The following MRC2 variants were observed in gnomAD, a reference collection of about 807,000 sequenced individuals.
MRC2 encodes C-type mannose receptor 2.
Under a neutral mutation model 206.2 loss-of-function variants are expected in MRC2, and 84 were observed. The observed-to-expected ratio is 0.41, with a 90% CI of 0.34 to 0.49. The LOEUF (loss-of-function observed/expected upper bound fraction) is 0.49. MRC2 is among the 20% of genes least tolerant of loss of function. The pLI, the probability that MRC2 is intolerant of heterozygous loss-of-function variation, is 0.31. For synonymous variants in MRC2, 798 were observed against 800.0 expected, an observed-to-expected ratio of 1.00 and a Z score of 0.04; for missense variants, 1,676 against 2,001.5, an observed-to-expected ratio of 0.84 and a Z score of 3.10.
At chr17:62,677,914 G>A (rs2088914631) in intron 12 of MRC2, among the ~76,000 whole-genome samples, 1 of 152,172 alleles carries the variant, frequency 6.6e-6, no homozygotes, top group Non-Finnish European at 1.5e-5. Context: ...GCCAGGTGTG[G>A]TGGCAGGCGC....
chr17:62,631,302 A>G (rs1227980223), intron 1 of MRC2, among the ~76,000 whole-genome samples: 2 of 152,106 alleles, frequency 1.3e-5, no homozygotes, highest in African/African-American at 2.4e-5. Context: ...CTGTGCTGGC[A>G]GTAGCTCTTC....
chr17:62,628,011 C>A (rs972060511), intron 1 of MRC2, 91 bp downstream of exon 1: 3 of 826,348 alleles, frequency 3.6e-6, no homozygotes, highest in Non-Finnish European at 5.1e-6. Context: ...CCTTTTCCCC[C>A]CTCTTTTCTC....
intron 9 of MRC2, among the ~76,000 whole-genome samples, chr17:62,674,582 CAG>C (rs1289855912): frequency 9.8e-5 from 15 of 152,334 alleles, no homozygotes; most frequent in South Asian, 2.1e-4. Flanking sequence ...CCGTCTGACA[CAG>C]GGCGTGTGCT....
At chr17:62,673,302 C>T (rs1042532921) in intron 8 of MRC2, among the ~76,000 whole-genome samples, 3 of 152,036 alleles carry the variant, frequency 2.0e-5, no homozygotes, top group African/African-American at 7.2e-5. Context: ...AAGCAGGGGC[C>T]GAGGACTAAA....
At chr17:62,635,977 CAG>C (rs1354966902) in intron 1 of MRC2, among the ~76,000 whole-genome samples, 1 of 151,646 alleles carries the variant, frequency 6.6e-6, no homozygotes, top group Non-Finnish European at 1.5e-5. Flanking sequence ...TTAGTAGAGA[CAG>C]GGTTTCACTG....
chr17:62,658,662 GAT>G (rs1161287925), intron 1 of MRC2, among the ~76,000 whole-genome samples: 1 of 152,248 alleles, frequency 6.6e-6, no homozygotes, highest in Non-Finnish European at 1.5e-5. Flanking sequence ...AGGAGAGGAA[GAT>G]AACGTCCTCT....
chr17:62,637,363 CTG>C (rs1415936516), intron 1 of MRC2, among the ~76,000 whole-genome samples: 1 of 151,838 alleles, frequency 6.6e-6, no homozygotes, highest in Admixed American at 6.6e-5. Context: ...TGGTGAAACC[CTG>C]TCTCTCCTGA....
rs773364957 is a variant in MRC2, at chr17:62,689,953, CG to C, written c.3637del (p.Glu1213SerfsTer11). 6.2e-7 allele frequency: 1 copy of C among 1,611,464 alleles called. No homozygotes were observed. On this transcript the variant is annotated frameshift_variant, in exon 25 of 30. Coordinates refer to ENST00000303375, the MANE Select transcript of MRC2 (RefSeq NM_006039.5). LOFTEE classifies it high-confidence loss of function. ...CGCTGAACTACGTGGGCTGGCAGGA[CG>C]GGGAGCCGCAGCAGCCGGGGGGCTG... ...EPLNYVGWQD[G>X]EPQQPGGCTY...
intron 8 of MRC2, among the ~76,000 whole-genome samples, chr17:62,673,026 G>A (rs1435807898): frequency 6.6e-5 from 10 of 151,938 alleles, no homozygotes; most frequent in South Asian, 2.1e-4. Flanking sequence ...GGAGAAAGCC[G>A]TAGGGACACA....
chr17:62,629,568 C>T (rs2084199718), intron 1 of MRC2, among the ~76,000 whole-genome samples: 1 of 152,190 alleles, frequency 6.6e-6, no homozygotes, highest in Admixed American at 6.5e-5. Flanking sequence ...GTGAGGTCTT[C>T]CAGCAGCAGC....
At chr17:62,657,633 C>T (rs1266487218) in intron 1 of MRC2, among the ~76,000 whole-genome samples, 1 of 123,666 alleles carries the variant, frequency 8.1e-6, no homozygotes, top group African/African-American at 3.2e-5. Flanking sequence ...ATGGATGAGG[C>T]TGGGGGGTGG....
chr17:62,654,833 G>A (rs2088597765), intron 1 of MRC2, among the ~76,000 whole-genome samples: 1 of 152,210 alleles, frequency 6.6e-6, no homozygotes, highest in Non-Finnish European at 1.5e-5. Flanking sequence ...AAGAAGTGTG[G>A]ACTACATCAG....
chr17:62,644,321 A>G (rs999406230), intron 1 of MRC2, among the ~76,000 whole-genome samples: 1 of 152,148 alleles, frequency 6.6e-6, no homozygotes, highest in African/African-American at 2.4e-5. Context: ...CGAGAGGCTG[A>G]GGCAGGAGAA....
intron 6 of MRC2, among the ~76,000 whole-genome samples, chr17:62,670,617 A>C (rs1340744470): frequency 6.6e-6 from 1 of 152,180 alleles, no homozygotes. Flanking sequence ...CTGCCCTCGG[A>C]TCCCAACCCC....
intron 26 of MRC2, 41 bp from the exon 27 acceptor site, chr17:62,690,601 G>A (rs775965205): frequency 3.3e-5 from 51 of 1,549,096 alleles, no homozygotes; most frequent in Middle Eastern, 3.5e-4. Context: ...TGCCCCCCCC[G>A]GAGACCCATC....
At position 62,689,889 on chromosome 17, in the gene MRC2, C is replaced by T. The variant is rs770318543; in HGVS notation, c.3574-5C>T. On this transcript the variant is annotated splice_region_variant and splice_polypyrimidine_tract_variant and intron_variant, in intron 24 of 29. Transcript: ENST00000303375. ...TCCTCCCACCCCATGGCCCCCCATGCCCAGGGCTCTCGGCGGTACTCCTGG... is the reference window on the plus strand; with the variant it reads ...TCCTCCCACCCCATGGCCCCCCATGTCCAGGGCTCTCGGCGGTACTCCTGG... 8.8e-6 allele frequency: 14 copies of T among 1,586,206 alleles called. No individual in the cohort carries two copies. The South Asian group carries it at 1.4e-4, about 15-fold the overall frequency.
At chr17:62,651,609 C>T (rs1283339533) in intron 1 of MRC2, among the ~76,000 whole-genome samples, 1 of 151,832 alleles carries the variant, frequency 6.6e-6, no homozygotes, top group Non-Finnish European at 1.5e-5. Flanking sequence ...GAGTTTCACT[C>T]TGTCCCCCAG....
In MRC2 at chr17:62,675,955, A is replaced by G. The variant is rs752110542; in HGVS notation, c.1685+50A>G. ...CTAGCCCTTGCCCATGTCTGGGCCTATTGTGGTCCCTTCAGCAAACAGGGT... is the reference window on the plus strand; with the variant it reads ...CTAGCCCTTGCCCATGTCTGGGCCTGTTGTGGTCCCTTCAGCAAACAGGGT... On this transcript the variant is annotated intron_variant, in intron 10 of 29. Coordinates refer to ENST00000303375, the MANE Select transcript of MRC2 (RefSeq NM_006039.5). The surrounding 1 kb of genome is among the most constrained non-coding windows in gnomAD (Gnocchi z 4.1). The G allele has an allele frequency of 8.7e-6, 13 of 1,493,156 alleles. No homozygotes were observed. Among genetic ancestry groups the G allele is most frequent in the African/African-American group, 2.8e-5 (2 of 72,452 alleles). 92.5% of individuals were successfully genotyped at this position (1,493,156 alleles called of 1,614,324 possible).
At chr17:62,686,876 C>T (rs934423805) in intron 20 of MRC2, among the ~76,000 whole-genome samples, 2 of 152,232 alleles carry the variant, frequency 1.3e-5, no homozygotes, top group Non-Finnish European at 2.9e-5. Flanking sequence ...CAAAAATCTG[C>T]ATTATTTCTG....
Sources: gnomAD v4.1 joint callset for allele counts (sites outside exome capture counted in the v4.1 genomes callset) on GRCh38, gnomAD v4.1.1 for gene constraint, Gnocchi (gnomAD v3.1) non-coding constraint, MANE v1.5 for transcripts, NCBI Gene and HGNC (gene_info 2026-07-23, HGNC 2026-07-21) for gene names.